LRRTM4: variants seen among roughly 807,000 people sequenced by gnomAD.
LRRTM4 encodes the protein leucine-rich repeat transmembrane neuronal protein 4.
In LRRTM4, 25 loss-of-function variants were observed where a neutral mutation model predicts 47.6. The observed-to-expected ratio is 0.53, with a 90% CI of 0.38 to 0.73. The LOEUF is 0.73. Among genes scored for constraint, LRRTM4 ranks in the 30% least tolerant of loss-of-function variants. The pLI is 0.00. For synonymous variants in LRRTM4, 311 were observed against 269.5 expected (o/e 1.15, Z -1.51); for missense variants, 638 against 713.4 (o/e 0.89, Z 1.20).
intron 3 of LRRTM4, among the ~76,000 whole-genome samples, chr2:77,122,468 A>G (rs1326841067): frequency 6.7e-6 from 1 of 150,156 alleles, no homozygotes; most frequent in African/African-American, 2.4e-5. Flanking sequence ...ATAATCATAT[A>G]TATACACACA....
At chr2:77,048,759 C>A (rs1679316683) in intron 3 of LRRTM4, among the ~76,000 whole-genome samples, 1 of 151,654 alleles carries the variant, frequency 6.6e-6, no homozygotes, top group Admixed American at 6.6e-5. Context: ...TTTATTGTTT[C>A]TTTGTGTTGA....
At chr2:76,784,038 CATAA>C (rs1245951386) in intron 3 of LRRTM4, among the ~76,000 whole-genome samples, 1 of 151,982 alleles carries the variant, frequency 6.6e-6, no homozygotes, top group Non-Finnish European at 1.5e-5. Context: ...AGTGAGAAAA[CATAA>C]ATAATTATTT....
At chr2:77,091,525 C>A (rs1230279500) in intron 3 of LRRTM4, among the ~76,000 whole-genome samples, 1 of 150,990 alleles carries the variant, frequency 6.6e-6, no homozygotes, top group Non-Finnish European at 1.5e-5. Context: ...CCTTATCAAC[C>A]AAATTGTTTT....
intron 3 of LRRTM4, among the ~76,000 whole-genome samples, chr2:77,059,885 A>G (rs903025713): frequency 6.6e-5 from 10 of 152,208 alleles, no homozygotes; most frequent in Non-Finnish European, 1.5e-4. Flanking sequence ...CAAGAGCAGC[A>G]GGCTTATTTA....
At chr2:77,434,603 G>A (rs1052502155) in intron 3 of LRRTM4, among the ~76,000 whole-genome samples, 1 of 152,066 alleles carries the variant, frequency 6.6e-6, no homozygotes, top group African/African-American at 2.4e-5. Flanking sequence ...ATAACCATTG[G>A]TACATAAAAT....
chr2:77,323,721 G>A (rs370648133), intron 3 of LRRTM4, among the ~76,000 whole-genome samples: 13 of 152,140 alleles, frequency 8.5e-5, no homozygotes, highest in African/African-American at 1.4e-4. Context: ...GTTGCAATTC[G>A]AACTGCATCT....
At chr2:76,793,130 T>A (rs1252907271) in intron 3 of LRRTM4, among the ~76,000 whole-genome samples, 1 of 152,172 alleles carries the variant, frequency 6.6e-6, no homozygotes, top group Non-Finnish European at 1.5e-5. Flanking sequence ...TTCCCTCAAG[T>A]CTTTAGGCAA....
chr2:77,405,018 T>G (rs377734787), intron 3 of LRRTM4, among the ~76,000 whole-genome samples: 24 of 152,154 alleles, frequency 1.6e-4, no homozygotes, highest in African/African-American at 5.5e-4. Flanking sequence ...GTGATAGTCA[T>G]TTTTTAAGAT....
At chr2:77,427,352 T>A (rs1463739307) in intron 3 of LRRTM4, among the ~76,000 whole-genome samples, 1 of 152,098 alleles carries the variant, frequency 6.6e-6, no homozygotes, top group Admixed American at 6.5e-5. Flanking sequence ...GTTGAAAAAA[T>A]AACAAATAAG....
chr2:77,245,769 T>C (rs1332663753), intron 3 of LRRTM4, among the ~76,000 whole-genome samples: 1 of 152,144 alleles, frequency 6.6e-6, no homozygotes, highest in Non-Finnish European at 1.5e-5. Context: ...TTTTTGAAGC[T>C]GTGGAATAGG....
intron 3 of LRRTM4, among the ~76,000 whole-genome samples, chr2:76,976,530 T>A (rs1394631627): frequency 6.6e-6 from 1 of 151,802 alleles, no homozygotes; most frequent in Non-Finnish European, 1.5e-5. Flanking sequence ...ACCTCATTAG[T>A]CTCTCTTTTT....
chr2:76,793,206 A>C (rs1427472866), intron 3 of LRRTM4, among the ~76,000 whole-genome samples: 1 of 152,136 alleles, frequency 6.6e-6, no homozygotes, highest in Non-Finnish European at 1.5e-5. Context: ...GTTTTACAGA[A>C]AACACTCATC....
intron 3 of LRRTM4, among the ~76,000 whole-genome samples, chr2:76,827,264 G>A (rs1003303245): frequency 6.6e-6 from 1 of 151,794 alleles, no homozygotes; most frequent in African/African-American, 2.4e-5. Flanking sequence ...ATTTTAGATA[G>A]CAAGGTTAGT....
chr2:77,349,942 C>T (rs911052852), intron 3 of LRRTM4, among the ~76,000 whole-genome samples: 3 of 152,108 alleles, frequency 2.0e-5, no homozygotes, highest in Non-Finnish European at 4.4e-5. Context: ...AGTTAGTTCC[C>T]TGGCACTAGG....
Position 76,900,842 on chromosome 2 carries a change from G to C in LRRTM4, c.1552-151926C>G, listed in dbSNP as rs969487019. Reference sequence around the variant, plus strand: ...TGCTAAGTAAAAACAGTGCAATTCTGAGTCCTCTGACATTTAATTAACACT... The same window carrying C: ...TGCTAAGTAAAAACAGTGCAATTCTCAGTCCTCTGACATTTAATTAACACT... On this transcript the variant is annotated intron_variant, in intron 3 of 3. Transcript: ENST00000409884. Among the ~76,000 whole-genome samples, 3 of 152,072 alleles carry C rather than the reference G, an allele frequency of 2.0e-5. No individual in the cohort carries two copies. In the East Asian group the frequency reaches 5.8e-4, roughly 29 times the overall value.
At chr2:77,082,544 T>C (rs562164448) in intron 3 of LRRTM4, among the ~76,000 whole-genome samples, 22 of 152,190 alleles carry the variant, frequency 1.4e-4, no homozygotes, top group African/African-American at 5.3e-4. Flanking sequence ...TTGTAAAAGG[T>C]ACCATTCTTA....
intron 3 of LRRTM4, among the ~76,000 whole-genome samples, chr2:77,057,094 T>C (rs1679633242): frequency 6.6e-6 from 1 of 152,210 alleles, no homozygotes; most frequent in African/African-American, 2.4e-5. Flanking sequence ...GCCTTAAATA[T>C]TTAGCATCTG....
chr2:77,498,801 A>C (rs2222910), intron 3 of LRRTM4, among the ~76,000 whole-genome samples: 2,320 of 152,010 alleles, frequency 0.015, 55 homozygotes, highest in African/African-American at 0.052. Flanking sequence ...CTAACCTGTC[A>C]GTCCTTCAGG....
chr2:77,325,882 C>T (rs1024665248), intron 3 of LRRTM4, among the ~76,000 whole-genome samples: 5 of 152,126 alleles, frequency 3.3e-5, no homozygotes, highest in African/African-American at 1.2e-4. Context: ...GACACATTAT[C>T]CCAAATATGG....
Sources: allele counts gnomAD v4.1 joint callset (sites outside exome capture counted in the v4.1 genomes callset), GRCh38; gene constraint gnomAD v4.1.1; transcripts MANE v1.5; gene names NCBI Gene and HGNC (gene_info 2026-07-23, HGNC 2026-07-21).